Variants in SDHA observed in about 807,000 individuals in gnomAD.
The protein encoded by SDHA is succinate dehydrogenase [ubiquinone] flavoprotein subunit, mitochondrial.
SDHA carries 48 observed loss-of-function variants against 78.4 expected under a neutral mutation model. The ratio of observed to expected loss-of-function variants is 0.61; its 90% confidence interval spans 0.49 to 0.78. The LOEUF (loss-of-function observed/expected upper bound fraction) is 0.78, where lower values mean the gene tolerates loss of function less well. SDHA is among the 30% of genes least tolerant of loss of function. The probability of loss-of-function intolerance (pLI) is 0.00; values close to 1 mark genes in which losing one functional copy is unlikely to be tolerated. For synonymous variants in SDHA, 326 were observed against 353.9 expected, an observed-to-expected ratio of 0.92 and a Z score of 0.88; for missense variants, 680 against 892.7, an observed-to-expected ratio of 0.76 and a Z score of 3.04.
intron 6 of SDHA, 47 bp from the exon 7 acceptor site, chr5:230,829 C>CTCACCAGATAGGAGGCCA: frequency 6.2e-7 from 1 of 1,613,566 alleles, no homozygotes; most frequent in Non-Finnish European, 8.5e-7. Context: ...GATAGGAGGT[C>CTCACCAGATAGGAGGCCA]CAGATGTGGG....
At chr5:259,950 G>T (rs535924175), downstream of SDHA, among the ~76,000 whole-genome samples, 2 of 8,158 alleles carry the variant, frequency 2.5e-4, no homozygotes, top group East Asian at 3.8e-3. Flanking sequence ...TCCGCCTCCC[G>T]CCAGAGCATT....
At chr5:264,422 G>A in the SDHA span, among the ~76,000 whole-genome samples, 1 of 152,206 alleles carries the variant, frequency 6.6e-6, no homozygotes, top group Non-Finnish European at 1.5e-5. Context: ...AGGGTGTCTG[G>A]GAGCCGGATC....
rs878854636 is a variant in SDHA, at chr5:228,261, G to T, written c.698G>T (p.Gly233Val). 6 of 1,613,694 alleles carry T rather than the reference G, an allele frequency of 3.7e-6. No individual in the cohort carries two copies. The highest frequency in any genetic ancestry group is 4.2e-6 in the Non-Finnish European group (5 of 1,179,658). The change falls in exon 6 of 15, where the codon GGT (glycine) becomes GTT (valine). Residue 233 changes from glycine (G) to valine (V), a missense_variant. Physicochemically the swap from Gly to Val is moderately radical, Grantham distance 109. Transcript: ENST00000264932. ...CTGATGGAGAATGGGGAGTGCCGTG[G>T]TGTCATCGCACTGTGCATAGAGGAC... Reference protein sequence around the residue: ...DLLMENGECRGVIALCIEDGS... With the variant: ...DLLMENGECRVVIALCIEDGS...
chr5:233,741 A>G, intron 8 of SDHA, 96 bp downstream of exon 8: 1 of 1,253,108 alleles, frequency 8.0e-7, no homozygotes, highest in South Asian at 1.2e-5. Flanking sequence ...CTTCGTGTGC[A>G]GGCGCATGTG....
intron 11 of SDHA, chr5:250,640 C>T (rs1387242000): frequency 4.2e-5 from 15 of 359,040 alleles, no homozygotes; most frequent in East Asian, 3.6e-4. Context: ...TCAGGAGTCC[C>T]GCCAGGGGTG....
chr5:229,931 C>T (rs1426538092), intron 6 of SDHA, among the ~76,000 whole-genome samples: 2 of 148,710 alleles, frequency 1.3e-5, no homozygotes, highest in Non-Finnish European at 3.0e-5. Flanking sequence ...AGCACGGTGG[C>T]TAGAGTTAAT....
downstream of SDHA, among the ~76,000 whole-genome samples, chr5:258,133 C>T (rs1265152097): frequency 1.2e-5 from 1 of 82,788 alleles, no homozygotes; most frequent in African/African-American, 8.4e-5. Context: ...ACCGTGTGAG[C>T]TCCGCCCCCG....
In SDHA at chr5:246,465, C is replaced by T. The variant is rs143631581; in HGVS notation, c.1552-4527C>T. Among the ~76,000 whole-genome samples the T allele has an allele frequency of 2.5e-3, 387 of 151,888 alleles. 1 individual carries two copies. The highest frequency in any genetic ancestry group is 8.8e-3 in the African/African-American group (364 of 41,416). Reference sequence around the variant, plus strand: ...GCTGCGGCTGATCAAAAAGCAAGGCCGTAAAGCTCAAATCAATAGAATAGA... The same window carrying T: ...GCTGCGGCTGATCAAAAAGCAAGGCTGTAAAGCTCAAATCAATAGAATAGA... On this transcript the variant is annotated intron_variant, in intron 11 of 14. Coordinates refer to ENST00000264932, the MANE Select transcript of SDHA (RefSeq NM_004168.4).
the SDHA span, among the ~76,000 whole-genome samples, chr5:266,535 C>G: frequency 6.6e-6 from 1 of 152,024 alleles, no homozygotes; most frequent in African/African-American, 2.4e-5. Flanking sequence ...AGTCATGGAA[C>G]GATGTTTCAT....
Position 235,183 on chromosome 5 carries a change from G to A in SDHA, c.1104G>A (p.Leu368=), listed in dbSNP as rs2126584401. ...GPEKDHVYLQ[L]HHLPPEQLAT... is the part of the protein sequence containing the mutation. ...AGAAAGATCACGTCTACCTGCAGCT[G>A]CACCACCTACCTCCAGAGCAGCTGG... Residue 368 remains leucine, a synonymous_variant, in exon 9 of 15, where the codon CTG becomes CTA. Coordinates refer to ENST00000264932, the MANE Select transcript of SDHA (RefSeq NM_004168.4). The A allele has an allele frequency of 1.2e-6, 2 of 1,613,852 alleles. No homozygotes were observed. The highest frequency in any genetic ancestry group is 4.5e-5 in the East Asian group (2 of 44,896).
At chr5:242,867 G>C (rs554718366) in intron 11 of SDHA, among the ~76,000 whole-genome samples, 1 of 152,310 alleles carries the variant, frequency 6.6e-6, no homozygotes, top group East Asian at 1.9e-4. Context: ...AAGGGGGAAG[G>C]AGAGTATAAC....
intron 11 of SDHA, among the ~76,000 whole-genome samples, chr5:242,688 G>A (rs1195589135): frequency 3.3e-5 from 5 of 152,238 alleles, no homozygotes; most frequent in Admixed American, 1.3e-4. Context: ...AATCTAGGTC[G>A]AAGGGTCACC....
chr5:229,472 T>C (rs955539081), intron 6 of SDHA, among the ~76,000 whole-genome samples: 15 of 152,204 alleles, frequency 9.9e-5, no homozygotes, highest in Admixed American at 8.5e-4. Context: ...GAACCCAAAG[T>C]CATTATGTTA....
At chr5:236,758 C>T (rs1489890620) in intron 10 of SDHA, among the ~76,000 whole-genome samples, 159 bp downstream of exon 10, 1 of 152,182 alleles carries the variant, frequency 6.6e-6, no homozygotes, top group Non-Finnish European at 1.5e-5. Flanking sequence ...AACACCTCAA[C>T]CTTCAGAGTC....
intron 14 of SDHA, among the ~76,000 whole-genome samples, chr5:256,002 T>A (rs112408712): frequency 6.6e-6 from 1 of 152,352 alleles, no homozygotes; most frequent in East Asian, 1.9e-4. Context: ...AAGATCTGAC[T>A]CCATAGCACA....
At chr5:236,402 T>G (rs1266802908) in intron 9 of SDHA, 26 bp from the exon 10 acceptor site, 3 of 1,611,526 alleles carry the variant, frequency 1.9e-6, no homozygotes, top group East Asian at 2.2e-5. Context: ...ACCTTGACAT[T>G]TCACCTGAAA....
In SDHA at chr5:235,140, C is replaced by A. The variant is rs575007678; in HGVS notation, c.1065-4C>A. The A allele has an allele frequency of 1.4e-5, 22 of 1,613,838 alleles. No homozygotes were observed. In the African/African-American group the frequency reaches 2.5e-4, roughly 19 times the overall value. On this transcript the variant is annotated splice_polypyrimidine_tract_variant and splice_region_variant and intron_variant, in intron 8 of 14. Transcript: ENST00000264932. ...CCGTATGTGATGGTGTTCTGTCTTA[C>A]CAGAGGCTGTGGCCCTGAGAAAGAT...
At chr5:241,886 G>A (rs181290960) in intron 11 of SDHA, among the ~76,000 whole-genome samples, 3 of 152,354 alleles carry the variant, frequency 2.0e-5, no homozygotes, top group East Asian at 3.9e-4. Flanking sequence ...GTGATGCCCT[G>A]CAGTACTATT....
downstream of SDHA, among the ~76,000 whole-genome samples, chr5:258,992 CA>C (rs1737385549): frequency 4.7e-5 from 2 of 42,776 alleles, no homozygotes; most frequent in Admixed American, 2.0e-4. Context: ...CGCCTCCCGT[CA>C]CAGCATTACC....
Sources: gnomAD v4.1 joint callset for allele counts (sites outside exome capture counted in the v4.1 genomes callset) on GRCh38, gnomAD v4.1.1 for gene constraint, MANE v1.5 for transcripts, NCBI Gene and HGNC (gene_info 2026-07-23, HGNC 2026-07-21) for gene names.